VAPB: variants seen among roughly 807,000 people sequenced by gnomAD.
VAPB encodes vesicle-associated membrane protein-associated protein B/C.
Under a neutral mutation model 25.6 loss-of-function variants are expected in VAPB, and 7 were observed. That is an observed-to-expected ratio of 0.27 (90% CI 0.16 to 0.51). VAPB has a LOEUF of 0.51. Ranked by LOEUF, VAPB falls within the 20% of genes least tolerant of loss-of-function variation. The pLI is 0.97. For synonymous variants in VAPB, 112 were observed against 109.2 expected (o/e 1.03, Z -0.16); for missense variants, 266 against 301.3 (o/e 0.88, Z 0.87).
rs745613436 is a variant in VAPB at position 58,448,212 on chromosome 20, G to GA, written c.*3978dup. The GA allele has an allele frequency of 2.0e-5, 9 of 454,024 alleles. No individual in the cohort carries two copies. Among genetic ancestry groups the GA allele is most frequent in the South Asian group, 1.2e-4 (8 of 64,478 alleles). 28.1% of individuals were successfully genotyped at this position (454,024 alleles called of 1,614,324 possible). On this transcript the variant is annotated 3_prime_UTR_variant, in exon 6 of 6. Coordinates refer to ENST00000475243, the MANE Select transcript of VAPB (RefSeq NM_004738.5). ...ATATAGATGGATGACTCTAGTTCAT[G>GA]ACATACAAATCCCATAAGGCCAACG...
Position 58,418,811 on chromosome 20 carries a change from C to T in VAPB, c.211+448C>T, listed in dbSNP as rs770264073. ...TCTGACATTAAGCTCATACCATTTC[C>T]AGTGATTGGCCACTGCACTTTACTG... On this transcript the variant is annotated intron_variant, in intron 2 of 5. Transcript: ENST00000475243. 2.8e-4 allele frequency among the ~76,000 whole-genome samples: 42 copies of T among 152,110 alleles called. 1 individual carries two copies. Among genetic ancestry groups the T allele is most frequent in the Admixed American group, 2.6e-4 (4 of 15,264 alleles).
Position 58,446,437 on chromosome 20 carries a change from A to C in VAPB, c.*2202A>C, listed in dbSNP as rs555882414. 9 of 454,114 alleles carry C rather than the reference A, an allele frequency of 2.0e-5. No homozygotes were observed. The highest frequency in any genetic ancestry group is 9.4e-5 in the Admixed American group (4 of 42,582). 28.1% of individuals were successfully genotyped at this position (454,114 alleles called of 1,614,324 possible). The stretch of plus-strand genomic sequence containing the variant: ...TCCCATTACACTAGAGCAGGGCTCT[A>C]TTTATTTTTAAAGGATATGGCCGTG... On this transcript the variant is annotated 3_prime_UTR_variant, in exon 6 of 6. Coordinates refer to ENST00000475243, the MANE Select transcript of VAPB (RefSeq NM_004738.5).
At chr20:58,410,853 G>A (rs143245289) in intron 1 of VAPB, among the ~76,000 whole-genome samples, 28 of 152,258 alleles carry the variant, frequency 1.8e-4, no homozygotes, top group South Asian at 1.2e-3. Context: ...GCTCCTCCGT[G>A]TCTTTTCATG....
chr20:58,391,213 T>C (rs1987787486), intron 1 of VAPB, among the ~76,000 whole-genome samples: 2 of 152,232 alleles, frequency 1.3e-5, no homozygotes, highest in African/African-American at 2.4e-5. Flanking sequence ...ACTGAGTACC[T>C]GATCTGTGTG....
chr20:58,404,236 C>A (rs1325540140), intron 1 of VAPB, among the ~76,000 whole-genome samples: 1 of 152,180 alleles, frequency 6.6e-6, no homozygotes, highest in African/African-American at 2.4e-5. Context: ...GGCCCAAATT[C>A]TTAGGCCAGC....
chr20:58,426,715 A>G (rs1600804848), intron 2 of VAPB, among the ~76,000 whole-genome samples: 1 of 152,312 alleles, frequency 6.6e-6, no homozygotes, highest in South Asian at 2.1e-4. Flanking sequence ...TAGGGTATTA[A>G]GGTACGATTA....
intron 1 of VAPB, among the ~76,000 whole-genome samples, chr20:58,393,887 C>G (rs1987877623): frequency 6.6e-6 from 1 of 152,174 alleles, no homozygotes. Context: ...CATGCGCCAC[C>G]ATGCCCGGCT....
intron 2 of VAPB, among the ~76,000 whole-genome samples, chr20:58,422,524 T>C (rs1354515279): frequency 6.6e-6 from 1 of 152,216 alleles, no homozygotes; most frequent in Non-Finnish European, 1.5e-5. Flanking sequence ...AAATCTATTT[T>C]CTGAACTGTA....
rs773399674 is a variant in VAPB at position 58,450,812 on chromosome 20, C to G, written c.*6577C>G. On this transcript the variant is annotated 3_prime_UTR_variant, in exon 6 of 6. Transcript: ENST00000475243. The stretch of plus-strand genomic sequence containing the variant: ...CTTTATGTATTTTTCATTGTATTTG[C>G]TGTTTTGACATGGAAGTAATTTAAA... 1 of 454,034 alleles carries G rather than the reference C, an allele frequency of 2.2e-6. No homozygotes were observed. The highest frequency in any genetic ancestry group is 1.6e-5 in the South Asian group (1 of 64,472). The allele number at this position is 454,034 out of a possible 1,614,324, so 28.1% of individuals were successfully genotyped here.
rs1213831622 is a variant in VAPB at position 58,444,931 on chromosome 20, T to C, written c.*696T>C. On this transcript the variant is annotated 3_prime_UTR_variant, in exon 6 of 6. Transcript: ENST00000475243. ...GTGAAGTCAAACTGTTATTCAGAGA[T>C]GTTTAATGCATATTTAACTTATTTA... is the stretch of plus-strand genomic sequence containing the variant. 2.2e-6 allele frequency: 1 copy of C among 454,648 alleles called. No individual in the cohort carries two copies. Among genetic ancestry groups the C allele is most frequent in the Admixed American group, 2.3e-5 (1 of 42,586 alleles). 28.2% of individuals were successfully genotyped at this position (454,648 alleles called of 1,614,324 possible).
At position 58,444,299 on chromosome 20, in the gene VAPB, A is replaced by G. The variant is rs1328025865; in HGVS notation, c.*64A>G. 3.1e-6 allele frequency: 5 copies of G among 1,612,528 alleles called. No homozygotes were observed. The African/African-American group carries it at 4.0e-5, about 13-fold the overall frequency. Reference sequence around the variant, plus strand: ...CCACCATATCATGGGATTTAAATTTATCATAACCATGTGTAAAAAGAAATT... The same window carrying G: ...CCACCATATCATGGGATTTAAATTTGTCATAACCATGTGTAAAAAGAAATT... On this transcript the variant is annotated 3_prime_UTR_variant, in exon 6 of 6. Coordinates refer to ENST00000475243, the MANE Select transcript of VAPB (RefSeq NM_004738.5).
chr20:58,440,836 C>G (rs748973669), intron 4 of VAPB, 71 bp from the exon 5 acceptor site: 15 of 1,485,876 alleles, frequency 1.0e-5, no homozygotes, highest in Non-Finnish European at 1.4e-5. Context: ...CTGAGAACTA[C>G]TTTACTTTGC....
intron 1 of VAPB, among the ~76,000 whole-genome samples, chr20:58,404,000 C>T (rs997035256): frequency 1.3e-5 from 2 of 152,178 alleles, no homozygotes; most frequent in Non-Finnish European, 2.9e-5. Flanking sequence ...TGCCCTTTTG[C>T]TTCTTAGTAT....
At chr20:58,404,719 G>A (rs955850463) in intron 1 of VAPB, among the ~76,000 whole-genome samples, 9 of 152,102 alleles carry the variant, frequency 5.9e-5, no homozygotes, top group East Asian at 1.9e-4. Context: ...ATGAGCTAAC[G>A]TCACATTTGA....
At chr20:58,423,983 T>G (rs949898705) in intron 2 of VAPB, among the ~76,000 whole-genome samples, 3 of 152,240 alleles carry the variant, frequency 2.0e-5, no homozygotes, top group African/African-American at 4.8e-5. Flanking sequence ...ACTGTAATAC[T>G]TAGGTTTTTA....
chr20:58,423,238 C>T (rs1988704648), intron 2 of VAPB, among the ~76,000 whole-genome samples: 1 of 151,124 alleles, frequency 6.6e-6, no homozygotes, highest in Admixed American at 6.6e-5. Flanking sequence ...ATGGAGAAAC[C>T]CCGTCTCTAC....
At chr20:58,417,284 C>T (rs1292826607) in intron 1 of VAPB, among the ~76,000 whole-genome samples, 1 of 152,116 alleles carries the variant, frequency 6.6e-6, no homozygotes, top group African/African-American at 2.4e-5. Flanking sequence ...AGTATTATTT[C>T]ATTATTTGTT....
At chr20:58,412,034 T>C (rs1321486841) in intron 1 of VAPB, among the ~76,000 whole-genome samples, 2 of 152,210 alleles carry the variant, frequency 1.3e-5, no homozygotes, top group African/African-American at 4.8e-5. Flanking sequence ...GTTGACAGTA[T>C]TTTATTCAGG....
rs952340829 is a variant in VAPB at position 58,446,825 on chromosome 20, AAG to A, written c.*2592_*2593del. On this transcript the variant is annotated 3_prime_UTR_variant, in exon 6 of 6. Transcript: ENST00000475243. Reference sequence around the variant, plus strand: ...CTGGCAGCCAAAAATGTGCCAGGAAAAGAAAGAATGTGGAGCACGCGTGGCTC... The same window carrying A: ...CTGGCAGCCAAAAATGTGCCAGGAAAAAAGAATGTGGAGCACGCGTGGCTC... 13 of 454,000 alleles carry A rather than the reference AAG, an allele frequency of 2.9e-5. No individual in the cohort carries two copies. In the Admixed American group the frequency reaches 3.1e-4, roughly 11 times the overall value. 28.1% of individuals were successfully genotyped at this position (454,000 alleles called of 1,614,324 possible).
Sources: gnomAD v4.1 joint callset for allele counts (sites outside exome capture counted in the v4.1 genomes callset) on GRCh38, gnomAD v4.1.1 for gene constraint, MANE v1.5 for transcripts, NCBI Gene and HGNC (gene_info 2026-07-23, HGNC 2026-07-21) for gene names.